Variants in ERCC4 observed in about 807,000 individuals in gnomAD.
The protein encoded by ERCC4 is DNA repair endonuclease XPF.
A neutral mutation model predicts 76.9 loss-of-function variants in ERCC4; 65 were observed. The ratio of observed to expected loss-of-function variants is 0.84; its 90% confidence interval spans 0.69 to 1.04. ERCC4 has a LOEUF of 1.04. Ranked by LOEUF, ERCC4 falls within the 50% of genes least tolerant of loss-of-function variation. The pLI is 0.00. For missense variants in ERCC4, 1,214 were observed against 1,128.2 expected (o/e 1.08, Z -1.09); for synonymous variants, 463 against 410.1 (o/e 1.13, Z -1.56).
intron 9 of ERCC4, among the ~76,000 whole-genome samples, chr16:13,939,155 T>C (rs1156637497): frequency 6.6e-6 from 1 of 152,250 alleles, no homozygotes; most frequent in African/African-American, 2.4e-5. Context: ...CCAGGCATTA[T>C]ACCAGCCGCC....
In ERCC4 at chr16:13,948,758, C is replaced by T. The variant is rs141279442; in HGVS notation, c.*411C>T. ...AAGAAAGCTACCATTTTTAACAGTC[C>T]TTGTTATCTAGTGCAACATAAATAA... On this transcript the variant is annotated 3_prime_UTR_variant, in exon 11 of 11. Transcript: ENST00000311895. The T allele has an allele frequency of 1.1e-4, 25 of 234,770 alleles. No homozygotes were observed. Among genetic ancestry groups the T allele is most frequent in the East Asian group, 7.3e-4 (12 of 16,494 alleles). The allele number at this position is 234,770 out of a possible 1,614,324, so 14.5% of individuals were successfully genotyped here. A position where few individuals can be genotyped will look rare whatever the true frequency, so the allele number is the denominator to read the frequency against.
Position 13,950,209 on chromosome 16 carries a change from C to T in ERCC4, c.*1862C>T, listed in dbSNP as rs550794794. 2.3e-4 allele frequency: 44 copies of T among 187,754 alleles called. No individual in the cohort carries two copies. The East Asian group carries it at 3.8e-3, about 16-fold the overall frequency. 11.6% of individuals were successfully genotyped at this position (187,754 alleles called of 1,614,324 possible). On this transcript the variant is annotated 3_prime_UTR_variant, in exon 11 of 11. Coordinates refer to ENST00000311895, the MANE Select transcript of ERCC4 (RefSeq NM_005236.3). ...CTACTGACCTCAGGTGATCCACCCA[C>T]CTTGGCCTCCCAAAGTGCTGAGATA... is the stretch of plus-strand genomic sequence containing the variant.
Position 13,949,157 on chromosome 16 carries a change from G to A in ERCC4, c.*810G>A, listed in dbSNP as rs2276465. On this transcript the variant is annotated 3_prime_UTR_variant, in exon 11 of 11. Transcript: ENST00000311895. ...ATTTTTAAAGCAAAATGAATTACCT[G>A]TTTGCAAAAGTTAATGATGAAGGAG... is the stretch of plus-strand genomic sequence containing the variant. The A allele has an allele frequency of 0.3, 70,770 of 232,858 alleles. 11,178 individuals carry two copies. The highest frequency in any genetic ancestry group is 0.39 in the Middle Eastern group (309 of 786). The allele number at this position is 232,858 out of a possible 1,614,324, so 14.4% of individuals were successfully genotyped here. A position where few individuals can be genotyped will look rare whatever the true frequency, so the allele number is the denominator to read the frequency against.
rs1312787778 is a variant in ERCC4 at position 13,951,246 on chromosome 16, A to G, written c.*2899A>G. 1 of 186,742 alleles carries G rather than the reference A, an allele frequency of 5.4e-6. No homozygotes were observed. The highest frequency in any genetic ancestry group is 1.1e-5 in the Non-Finnish European group (1 of 88,492). 11.6% of individuals were successfully genotyped at this position (186,742 alleles called of 1,614,324 possible). A position where few individuals can be genotyped will look rare whatever the true frequency, so the allele number is the denominator to read the frequency against. ...AATTAATGTATTTATTTTCCAGCAT[A>G]ATTTTATTAACTTCACTTTTTTTCT... On this transcript the variant is annotated 3_prime_UTR_variant, in exon 11 of 11. Transcript: ENST00000311895.
rs138532294 is a variant in ERCC4, at chr16:13,935,734, A to C, written c.1802A>C (p.Lys601Thr). The C allele has an allele frequency of 6.6e-5, 106 of 1,611,490 alleles. No homozygotes were observed. The African/African-American group carries it at 1.0e-3, about 15-fold the overall frequency. The change falls in exon 8 of 11, where the codon AAA becomes ACA. Residue 601 changes from lysine (K) to threonine (T), a missense_variant. Physicochemically the swap from Lys to Thr is moderately conservative, Grantham distance 78. Coordinates refer to ENST00000311895, the MANE Select transcript of ERCC4 (RefSeq NM_005236.3). ...ATTTACAGGGCGAGTAGGCCTGGGA[A>C]ACCTCTGAGGCAAGTTATAAAGAAT... ...LEIYRASRPG[K>T]PLRVYFLIYG...
At position 13,931,954 on chromosome 16, in the gene ERCC4, T is replaced by C; in HGVS notation, c.974-203T>C. 2.1e-5 allele frequency: 12 copies of C among 584,866 alleles called. 1 individual carries two copies. The South Asian group carries it at 2.7e-4, about 13-fold the overall frequency. The allele number at this position is 584,866 out of a possible 1,614,324, so 36.2% of individuals were successfully genotyped here. A position where few individuals can be genotyped will look rare whatever the true frequency, so the allele number is the denominator to read the frequency against. On this transcript the variant is annotated intron_variant, in intron 5 of 10. Transcript: ENST00000311895. Reference sequence around the variant, plus strand: ...ACATCACATAGCCCTGAAAATATCTTGGGGGCCCCTGGGAGTTCACGGACC... The same window carrying C: ...ACATCACATAGCCCTGAAAATATCTCGGGGGCCCCTGGGAGTTCACGGACC...
chr16:13,928,060 A>C lies in ERCC4; in HGVS notation c.617A>C (p.Gln206Pro). ...GTAGCAGTAAACTCATTTTTAGAAC[A>C]GCACAAACCTGAAGTTGTAGAAATC... is the stretch of plus-strand genomic sequence containing the variant. ...FHVAVNSFLE[Q>P]HKPEVVEIHV... Residue 206 changes from glutamine to proline, a missense_variant, in exon 4 of 11, where the codon CAG (glutamine) becomes CCG (proline). Physicochemically the swap from Gln to Pro is moderately conservative, Grantham distance 76 (BLOSUM62 -1). Transcript: ENST00000311895. 1 of 1,613,762 alleles carries C rather than the reference A, an allele frequency of 6.2e-7. No homozygotes were observed. Among genetic ancestry groups the C allele is most frequent in the Non-Finnish European group, 8.5e-7 (1 of 1,179,850 alleles).
At position 13,948,333 on chromosome 16, in the gene ERCC4, A is replaced by G; in HGVS notation, c.2737A>G (p.Lys913Glu). 1 of 1,611,310 alleles carries G rather than the reference A, an allele frequency of 6.2e-7. No individual in the cohort carries two copies. Among genetic ancestry groups the G allele is most frequent in the Non-Finnish European group, 8.5e-7 (1 of 1,180,012 alleles). The stretch of plus-strand genomic sequence containing the variant: ...TTTTGCAGAAGTCGTATCAAAAGGA[A>G]AAGGGAAAAAGTGAACAGTGATGGC... Reference protein sequence around the residue: ...TSFAEVVSKGKGKK With the variant: ...TSFAEVVSKGEGKK The change falls in exon 11 of 11, where the codon AAA becomes GAA. Residue 913 changes from lysine (K) to glutamate (E), a missense_variant. Lys to Glu is a moderately conservative substitution (Grantham distance 56, BLOSUM62 1). Transcript: ENST00000311895.
chr16:13,944,878 G>GA, intron 10 of ERCC4, 43 bp downstream of exon 10: 1 of 1,269,738 alleles, frequency 7.9e-7, no homozygotes, highest in Non-Finnish European at 1.2e-6. Context: ...GCCTGCAAAG[G>GA]GGGCTGTGAA....
rs901927590 is a variant in ERCC4, at chr16:13,926,093, T to C, written c.389-468T>C. 2.6e-5 allele frequency among the ~76,000 whole-genome samples: 4 copies of C among 152,200 alleles called. No homozygotes were observed. In the South Asian group the frequency reaches 6.2e-4, roughly 24 times the overall value. On this transcript the variant is annotated intron_variant, in intron 2 of 10. Coordinates refer to ENST00000311895, the MANE Select transcript of ERCC4 (RefSeq NM_005236.3). ...AGACTTCTAAAATGTGGCTATTTTGTATAGTCCACATCTGATTCATACATT... is the reference window on the plus strand; with the variant it reads ...AGACTTCTAAAATGTGGCTATTTTGCATAGTCCACATCTGATTCATACATT...
intron 8 of ERCC4, among the ~76,000 whole-genome samples, chr16:13,936,238 C>T (rs771031634): frequency 1.1e-4 from 16 of 152,148 alleles, no homozygotes; most frequent in Non-Finnish European, 1.9e-4. Context: ...GAAACATCTA[C>T]AGAAATATCA....
chr16:13,941,354 G>A (rs1166944738), intron 9 of ERCC4, among the ~76,000 whole-genome samples: 4 of 152,218 alleles, frequency 2.6e-5, no homozygotes. Flanking sequence ...AGAATCTTAA[G>A]ATACTTACTT....
intron 9 of ERCC4, 98 bp from the exon 10 acceptor site, chr16:13,944,625 T>A: frequency 1.2e-6 from 1 of 809,010 alleles, no homozygotes; most frequent in African/African-American, 1.7e-5. Flanking sequence ...CTTACTGCTA[T>A]CATCATGTAG....
intron 10 of ERCC4, 23 bp from the exon 11 acceptor site, chr16:13,947,591 C>CA: frequency 6.2e-7 from 1 of 1,613,710 alleles, no homozygotes; most frequent in Non-Finnish European, 8.5e-7. Flanking sequence ...TCCCCAGTGA[C>CA]ATTACTTACT....
In ERCC4 at chr16:13,935,856, T is replaced by G; in HGVS notation, c.1811+113T>G. The G allele has an allele frequency of 3.4e-6, 3 of 869,592 alleles. No homozygotes were observed. The South Asian group carries it at 4.0e-5, about 12-fold the overall frequency. The allele number at this position is 869,592 out of a possible 1,614,324, so 53.9% of individuals were successfully genotyped here. On this transcript the variant is annotated intron_variant, in intron 8 of 10. Coordinates refer to ENST00000311895, the MANE Select transcript of ERCC4 (RefSeq NM_005236.3). ...AATATCCGTTACGATGCTGCTTATG[T>G]TTATGAAACCTTATTTTGCTTCCTG...
chr16:13,943,787 A>C (rs896604962), intron 9 of ERCC4, among the ~76,000 whole-genome samples: 1 of 141,274 alleles, frequency 7.1e-6, no homozygotes, highest in Non-Finnish European at 1.6e-5. Flanking sequence ...TGTGAACCCA[A>C]GCAGGGAAGA....
intron 8 of ERCC4, among the ~76,000 whole-genome samples, chr16:13,937,420 AAG>A (rs762671340): frequency 8.5e-5 from 13 of 152,202 alleles, no homozygotes; most frequent in Non-Finnish European, 1.8e-4. Flanking sequence ...CTGAGGTACA[AAG>A]AAAGAATTGG....
At chr16:13,922,510 C>G in intron 2 of ERCC4, 1 of 742,972 alleles carries the variant, frequency 1.3e-6, no homozygotes, top group South Asian at 1.4e-5. Context: ...GTCGAAGATG[C>G]TCGCTTCAGA....
intron 9 of ERCC4, among the ~76,000 whole-genome samples, chr16:13,938,176 G>A (rs1352066077): frequency 6.6e-6 from 1 of 152,122 alleles, no homozygotes; most frequent in African/African-American, 2.4e-5. Flanking sequence ...CTAAAATACT[G>A]CTTTTCTAAG....
Sources: gnomAD v4.1 joint callset for allele counts (sites outside exome capture counted in the v4.1 genomes callset) on GRCh38, gnomAD v4.1.1 for gene constraint, MANE v1.5 for transcripts, NCBI Gene and HGNC (gene_info 2026-07-23, HGNC 2026-07-21) for gene names.